AOX1: variants seen among roughly 807,000 people sequenced by gnomAD.
The protein encoded by AOX1 is aldehyde oxidase 1, also known as aldehyde oxidase.
Under a neutral mutation model 169.5 loss-of-function variants are expected in AOX1, and 153 were observed. That is an observed-to-expected ratio of 0.90 (90% confidence interval 0.79 to 1.03). The LOEUF is 1.03. Among genes scored for constraint, AOX1 ranks in the 50% least tolerant of loss-of-function variants. The pLI, the probability that AOX1 is intolerant of heterozygous loss-of-function variation, is 0.00. For missense variants in AOX1, 1,656 were observed against 1,663.9 expected, an observed-to-expected ratio of 1.00 and a Z score of 0.08; for synonymous variants, 562 against 581.9, an observed-to-expected ratio of 0.97 and a Z score of 0.49.
chr2:200,624,767 A>G (rs6745304), intron 19 of AOX1, among the ~76,000 whole-genome samples: 96,605 of 151,988 alleles, frequency 0.64, 30,874 homozygotes, highest in Middle Eastern at 0.68. Flanking sequence ...AAATGATAGG[A>G]TGTTCTCTTG....
chr2:200,601,527 T>C (rs2034413032), intron 5 of AOX1, among the ~76,000 whole-genome samples: 1 of 152,196 alleles, frequency 6.6e-6, no homozygotes, highest in South Asian at 2.1e-4. Flanking sequence ...TTTATAACAT[T>C]GACCGTGGTG....
chr2:200,596,369 G>A (rs1256700061), intron 3 of AOX1, among the ~76,000 whole-genome samples: 5 of 152,166 alleles, frequency 3.3e-5, no homozygotes, highest in Admixed American at 6.5e-5. Flanking sequence ...AGGGAGTGGC[G>A]ACTACCCTAT....
intron 3 of AOX1, among the ~76,000 whole-genome samples, chr2:200,595,590 A>G (rs2034266710): frequency 6.6e-6 from 1 of 152,106 alleles, no homozygotes; most frequent in South Asian, 2.1e-4. Context: ...ATTCCCCATC[A>G]AAGCCAGGTA....
At chr2:200,601,597 G>A (rs2034413888) in intron 5 of AOX1, among the ~76,000 whole-genome samples, 1 of 151,716 alleles carries the variant, frequency 6.6e-6, no homozygotes, top group African/African-American at 2.4e-5. Context: ...CTTTTTGCAT[G>A]TCAATAACAG....
In AOX1 at chr2:200,657,520, T is replaced by C. The variant is rs544510690; in HGVS notation, c.3171+583T>C. ...GTTGTTTTATTGCTAAAGAAAATTA[T>C]ATGCTTATTTGCTGCTTTCCTTTGG... On this transcript the variant is annotated intron_variant, in intron 27 of 34. Coordinates refer to ENST00000374700, the MANE Select transcript of AOX1 (RefSeq NM_001159.4). Among the ~76,000 whole-genome samples, 4 of 152,296 alleles carry C rather than the reference T, an allele frequency of 2.6e-5. No individual in the cohort carries two copies. The South Asian group carries it at 8.3e-4, about 32-fold the overall frequency.
rs2035753972 is a variant in AOX1 at position 200,659,107 on chromosome 2, G to A, written c.3172-58G>A. Reference sequence around the variant, plus strand: ...CACACATGTGTTACCACGTGGGCATGTGCACAGGTCTGTGACTAATCAAAG... The same window carrying A: ...CACACATGTGTTACCACGTGGGCATATGCACAGGTCTGTGACTAATCAAAG... On this transcript the variant is annotated intron_variant, in intron 27 of 34. Coordinates refer to ENST00000374700, the MANE Select transcript of AOX1 (RefSeq NM_001159.4). The A allele has an allele frequency of 2.5e-6, 4 of 1,577,728 alleles. No individual in the cohort carries two copies. The Admixed American group carries it at 5.1e-5, about 20-fold the overall frequency.
chr2:200,641,757 C>T (rs2035355977), intron 24 of AOX1, among the ~76,000 whole-genome samples: 2 of 151,970 alleles, frequency 1.3e-5, no homozygotes, highest in Admixed American at 1.3e-4. Context: ...TGATCTCAAA[C>T]TACTAGGCTC....
chr2:200,615,738 A>G (rs775123049), intron 15 of AOX1, among the ~76,000 whole-genome samples: 4 of 152,178 alleles, frequency 2.6e-5, no homozygotes, highest in Admixed American at 2.0e-4. Context: ...CCAGTTACCT[A>G]CCGTATTCAT....
intron 30 of AOX1, 22 bp downstream of exon 30, chr2:200,661,653 A>G: frequency 6.3e-7 from 1 of 1,581,434 alleles, no homozygotes; most frequent in South Asian, 1.1e-5. Context: ...CTCTGATCAC[A>G]TGCTATGGAG....
chr2:200,588,134 T>G (rs928791780), intron 1 of AOX1: 2 of 152,332 alleles, frequency 1.3e-5, no homozygotes, highest in African/African-American at 4.8e-5. Flanking sequence ...GCAGGATACT[T>G]AGAGGGGATG....
chr2:200,644,600 T>C (rs1217801193), intron 25 of AOX1, among the ~76,000 whole-genome samples: 1 of 152,136 alleles, frequency 6.6e-6, no homozygotes, highest in Non-Finnish European at 1.5e-5. Context: ...AATGGTGGTA[T>C]TTTGATGGGG....
At chr2:200,616,890 CGTT>C (rs1319265791) in intron 16 of AOX1, among the ~76,000 whole-genome samples, 3 of 152,114 alleles carry the variant, frequency 2.0e-5, no homozygotes, top group African/African-American at 7.2e-5. Flanking sequence ...TGAACATTGA[CGTT>C]GGTGTGTATT....
chr2:200,623,071 A>T (rs2034919182), intron 18 of AOX1, among the ~76,000 whole-genome samples: 1 of 152,206 alleles, frequency 6.6e-6, no homozygotes, highest in Non-Finnish European at 1.5e-5. Context: ...TTCATTGTGG[A>T]AAAGACATAA....
chr2:200,597,253 T>C lies in AOX1; in HGVS notation c.201-144T>C. ...CACTTCTCTAAAATGGGCCTGTGCC[T>C]GAGCTAAGGAGGAAATGTATGTGTA... On this transcript the variant is annotated intron_variant, in intron 3 of 34. Coordinates refer to ENST00000374700, the MANE Select transcript of AOX1 (RefSeq NM_001159.4). 6.0e-6 allele frequency: 3 copies of C among 502,954 alleles called. 1 individual carries two copies. In the South Asian group the frequency reaches 1.1e-4, roughly 19 times the overall value. The allele number at this position is 502,954 out of a possible 1,614,324, so 31.2% of individuals were successfully genotyped here.
chr2:200,591,049 C>G (rs1275813776), intron 1 of AOX1, among the ~76,000 whole-genome samples: 2 of 152,172 alleles, frequency 1.3e-5, no homozygotes, highest in Admixed American at 6.5e-5. Flanking sequence ...TATTTTTCAT[C>G]TATTCAGATG....
At chr2:200,627,607 G>A (rs111664417) in intron 20 of AOX1, among the ~76,000 whole-genome samples, 158 bp downstream of exon 20, 31 of 152,198 alleles carry the variant, frequency 2.0e-4, no homozygotes, top group East Asian at 9.7e-4. Flanking sequence ...GTTTCCCTCC[G>A]TCTCTGGGGT....
chr2:200,663,745 C>A (rs934411908), intron 31 of AOX1, among the ~76,000 whole-genome samples: 3 of 152,192 alleles, frequency 2.0e-5, no homozygotes, highest in African/African-American at 7.2e-5. Flanking sequence ...GATACCCTAA[C>A]AACTGTCATG....
At chr2:200,651,606 AATG>A (rs2035581170) in intron 26 of AOX1, among the ~76,000 whole-genome samples, 1 of 152,010 alleles carries the variant, frequency 6.6e-6, no homozygotes, top group African/African-American at 2.4e-5. Flanking sequence ...ATGAAATAGA[AATG>A]AGGAGCTGCA....
At position 200,651,006 on chromosome 2, in the gene AOX1, T is replaced by A. The variant is rs144873627; in HGVS notation, c.2880T>A (p.Asp960Glu). 2 of 1,614,162 alleles carry A rather than the reference T, an allele frequency of 1.2e-6. No homozygotes were observed. The highest frequency in any genetic ancestry group is 1.7e-6 in the Non-Finnish European group (2 of 1,180,024). Residue 960 changes from aspartate to glutamate, a missense_variant, in exon 26 of 35, where the codon GAT (aspartate) becomes GAA (glutamate). By Grantham distance (45) the Asp-to-Glu change is conservative (BLOSUM62 2). Transcript: ENST00000374700. The part of the protein sequence containing the change: ...VRIINMYKEI[D>E]QTPYKQEINA... ...TCATAAACATGTACAAGGAAATTGA[T>A]CAAACACCCTACAAACAAGAGATCA... is the stretch of plus-strand genomic sequence containing the variant.
Sources: allele counts gnomAD v4.1 joint callset (sites outside exome capture counted in the v4.1 genomes callset), GRCh38; gene constraint gnomAD v4.1.1; transcripts MANE v1.5; gene names NCBI Gene and HGNC (gene_info 2026-07-23, HGNC 2026-07-21).